ZNF280D: variants seen among roughly 807,000 people sequenced by gnomAD.
ZNF280D encodes suppressor of hairy wing homolog 4.
Under a neutral mutation model 94.7 loss-of-function variants are expected in ZNF280D, and 39 were observed. The ratio of observed to expected loss-of-function variants is 0.41; its 90% CI spans 0.32 to 0.54. The LOEUF (loss-of-function observed/expected upper bound fraction) is 0.54, where lower values mean the gene tolerates loss of function less well. Ranked by LOEUF, ZNF280D falls within the 20% of genes least tolerant of loss-of-function variation. The pLI, the probability that ZNF280D is intolerant of heterozygous loss-of-function variation, is 0.22. For synonymous variants in ZNF280D, 398 were observed against 377.6 expected (o/e 1.05, Z -0.63); for missense variants, 1,090 against 1,149.3 (o/e 0.95, Z 0.75).
At position 56,654,466 on chromosome 15, in the gene ZNF280D, T is replaced by G. The variant is rs1163011310; in HGVS notation, c.2095A>C (p.Ser699Arg). The G allele has an allele frequency of 2.4e-5, 38 of 1,609,256 alleles. No individual in the cohort carries two copies. Among genetic ancestry groups the G allele is most frequent in the Non-Finnish European group, 3.2e-5 (38 of 1,178,694 alleles). The stretch of plus-strand genomic sequence containing the variant: ...ATATTATCTAAGCCAGAAACATCAC[T>G]TAGGAAATCACAATTAAGGCACACT... ...TLVCLNCDFLSDVSGLDNMAT... is the reference protein window; with the variant it reads ...TLVCLNCDFLRDVSGLDNMAT... Residue 699 changes from serine to arginine, a missense_variant, in exon 18 of 22, where the codon AGT (serine) becomes CGT (arginine). Transcript: ENST00000267807.
intron 6 of ZNF280D, among the ~76,000 whole-genome samples, chr15:56,696,117 G>A (rs2056731980): frequency 6.6e-6 from 1 of 152,112 alleles, no homozygotes; most frequent in African/African-American, 2.4e-5. Context: ...TAGAATTTGA[G>A]GCCTAGTAGG....
chr15:56,719,978 G>C (rs558572738), intron 1 of ZNF280D, among the ~76,000 whole-genome samples: 35 of 150,386 alleles, frequency 2.3e-4, no homozygotes, highest in South Asian at 1.9e-3. Flanking sequence ...CCTCCATGTT[G>C]ATGGCTGCTG....
intron 3 of ZNF280D, among the ~76,000 whole-genome samples, chr15:56,706,605 C>G (rs1480483854): frequency 1.3e-5 from 2 of 152,108 alleles, no homozygotes; most frequent in Non-Finnish European, 2.9e-5. Context: ...TCTTGGACTT[C>G]TAGCCTCAAG....
intron 1 of ZNF280D, among the ~76,000 whole-genome samples, chr15:56,717,167 A>T (rs911527427): frequency 4.6e-5 from 7 of 152,232 alleles, no homozygotes; most frequent in African/African-American, 1.7e-4. Context: ...CCAGAGGGAG[A>T]GTCTTAATCA....
intron 3 of ZNF280D, 85 bp from the exon 4 acceptor site, chr15:56,704,352 G>A: frequency 7.6e-7 from 1 of 1,314,124 alleles, no homozygotes; most frequent in South Asian, 1.4e-5. Context: ...TAATTTTAAG[G>A]TGTACTTTAA....
At chr15:56,706,566 A>G (rs951482138) in intron 3 of ZNF280D, among the ~76,000 whole-genome samples, 1 of 152,112 alleles carries the variant, frequency 6.6e-6, no homozygotes. Flanking sequence ...TATGGCCCCC[A>G]GAAGAAATCA....
chr15:56,687,845 G>C lies in ZNF280D; in HGVS notation c.780+1196C>G, dbSNP rs936007881. Among the ~76,000 whole-genome samples the C allele has an allele frequency of 3.3e-5, 5 of 152,134 alleles. No individual in the cohort carries two copies. In the East Asian group the frequency reaches 9.6e-4, roughly 29 times the overall value. On this transcript the variant is annotated intron_variant, in intron 9 of 21. Transcript: ENST00000267807. ...GGACAGACCAAATATGGCTCTGTAC[G>C]TATATAAGAAGACTGTATTTATAAC...
At chr15:56,707,328 T>A (rs980552140) in intron 1 of ZNF280D, 22 bp from the exon 2 acceptor site, 2 of 1,516,910 alleles carry the variant, frequency 1.3e-6, no homozygotes, top group Non-Finnish European at 1.8e-6. Context: ...AGATACCAAC[T>A]ATTAGGGTGG....
intron 1 of ZNF280D, among the ~76,000 whole-genome samples, chr15:56,708,531 T>C (rs534686577): frequency 6.6e-6 from 1 of 152,312 alleles, no homozygotes; most frequent in East Asian, 1.9e-4. Context: ...TTTTAAGTTA[T>C]CAGGTAAGTA....
At position 56,689,326 on chromosome 15, in the gene ZNF280D, G is replaced by C; in HGVS notation, c.644C>G (p.Thr215Ser). Reference protein sequence around the residue: ...VLPSVKSPSVTSSQAMLAKGT... With the variant: ...VLPSVKSPSVSSSQAMLAKGT... ...TTTTGCTAGCATAGCCTGGGAAGAA[G>C]TCACTGAAGGAGATTTAACTGAAGG... The change falls in exon 8 of 22, where the codon ACT becomes AGT. Residue 215 changes from threonine to serine, a missense_variant. By Grantham distance (58) the Thr-to-Ser change is moderately conservative (BLOSUM62 1). Around this residue, in one of 3 missense-constraint regions of ZNF280D, gnomAD observed 386 missense variants for 372.0 expected, o/e 1.04. Coordinates refer to ENST00000267807, the MANE Select transcript of ZNF280D (RefSeq NM_017661.4). 4 of 1,605,436 alleles carry C rather than the reference G, an allele frequency of 2.5e-6. No individual in the cohort carries two copies. The highest frequency in any genetic ancestry group is 3.4e-6 in the Non-Finnish European group (4 of 1,177,092).
intron 6 of ZNF280D, among the ~76,000 whole-genome samples, chr15:56,695,763 T>C (rs1436824968): frequency 6.6e-6 from 1 of 151,478 alleles, no homozygotes; most frequent in African/African-American, 2.4e-5. Context: ...CTCTTGACCT[T>C]GTGATCTGCC....
rs1363816258 is a variant in ZNF280D at position 56,689,566 on chromosome 15, TAATTG to T, written c.500-101_500-97del. The T allele has an allele frequency of 2.3e-5, 18 of 772,406 alleles. No homozygotes were observed. In the African/African-American group the frequency reaches 3.2e-4, roughly 14 times the overall value. 47.8% of individuals were successfully genotyped at this position (772,406 alleles called of 1,614,324 possible). On this transcript the variant is annotated intron_variant, in intron 7 of 21. Transcript: ENST00000267807. ...TTTTGGAGCTAAATTAAAGGTAATA[TAATTG>T]AATTATCATATCATGACAATAATGA...
chr15:56,653,428 G>A (rs746006446), intron 19 of ZNF280D: 79 of 1,413,862 alleles, frequency 5.6e-5, no homozygotes, highest in Middle Eastern at 3.6e-4. Context: ...ATGTAGAAAG[G>A]GAGTCTCCCC....
chr15:56,689,177 C>T (rs1309993547), intron 8 of ZNF280D, 27 bp from the exon 9 acceptor site: 1 of 1,584,762 alleles, frequency 6.3e-7, no homozygotes, highest in East Asian at 2.3e-5. Flanking sequence ...ACATTTATGA[C>T]TCAAAATTCA....
intron 19 of ZNF280D, among the ~76,000 whole-genome samples, chr15:56,649,534 G>A (rs2140632342): frequency 6.6e-6 from 1 of 152,044 alleles, no homozygotes; most frequent in East Asian, 1.9e-4. Context: ...AGAGAATCTA[G>A]GGGCTAAAAT....
At chr15:56,708,813 A>C (rs1166436409) in intron 1 of ZNF280D, among the ~76,000 whole-genome samples, 3 of 152,180 alleles carry the variant, frequency 2.0e-5, no homozygotes, top group Non-Finnish European at 4.4e-5. Flanking sequence ...ATATGTAGAA[A>C]GCTGAAACTG....
intron 1 of ZNF280D, among the ~76,000 whole-genome samples, chr15:56,729,324 T>C (rs1343841375): frequency 2.0e-5 from 3 of 152,224 alleles, no homozygotes; most frequent in Non-Finnish European, 2.9e-5. Context: ...CTCTCCTTAG[T>C]TGGCACTGTT....
intron 6 of ZNF280D, 154 bp downstream of exon 6, chr15:56,700,779 G>A: frequency 6.5e-7 from 1 of 1,528,768 alleles, no homozygotes; most frequent in Non-Finnish European, 8.8e-7. Flanking sequence ...TACTGCTTGA[G>A]CTAGCGAAAA....
chr15:56,660,477 T>C (rs1290651547), intron 16 of ZNF280D, among the ~76,000 whole-genome samples: 2 of 152,088 alleles, frequency 1.3e-5, no homozygotes, highest in East Asian at 1.9e-4. Context: ...ACCTGCTTGA[T>C]TTCTCTGTAT....
Sources: gnomAD v4.1 joint callset for allele counts (sites outside exome capture counted in the v4.1 genomes callset) on GRCh38, gnomAD v4.1.1 for gene constraint, gnomAD v4.1.1 regional missense constraint, MANE v1.5 for transcripts, NCBI Gene and HGNC (gene_info 2026-07-23, HGNC 2026-07-21) for gene names.